FSIP1: variants seen among roughly 807,000 people sequenced by gnomAD.
FSIP1 encodes fibrous sheath interacting protein 1, also known as fibrous sheath-interacting protein 1.
FSIP1 carries 65 observed loss-of-function variants against 60.9 expected under a neutral mutation model. The observed-to-expected ratio is 1.07, with a 90% CI of 0.87 to 1.31. FSIP1 has a LOEUF of 1.31. FSIP1 is among the 40% of genes most tolerant of loss of function. FSIP1 has a pLI of 0.00. For missense variants in FSIP1, 675 were observed against 665.5 expected (o/e 1.01, Z -0.16); for synonymous variants, 209 against 221.2 (o/e 0.94, Z 0.49).
At chr15:39,699,972 GCACT>G (rs1008367965) in intron 10 of FSIP1, among the ~76,000 whole-genome samples, 5 of 152,192 alleles carry the variant, frequency 3.3e-5, no homozygotes, top group African/African-American at 9.7e-5. Context: ...TCAGCTGGGA[GCACT>G]CACTCACTCA....
At chr15:39,635,806 G>A (rs1358283618) in intron 10 of FSIP1, among the ~76,000 whole-genome samples, 1 of 152,032 alleles carries the variant, frequency 6.6e-6, no homozygotes, top group Non-Finnish European at 1.5e-5. Flanking sequence ...GCTTTCTGAT[G>A]GTAAGGTGCT....
At chr15:39,604,556 T>C (rs1392732712) in intron 11 of FSIP1, among the ~76,000 whole-genome samples, 1 of 152,196 alleles carries the variant, frequency 6.6e-6, no homozygotes. Context: ...ATTAACCAAA[T>C]ATAAACTTAC....
At chr15:39,769,660 T>A (rs1897816240) in intron 3 of FSIP1, among the ~76,000 whole-genome samples, 1 of 152,212 alleles carries the variant, frequency 6.6e-6, no homozygotes, top group Non-Finnish European at 1.5e-5. Flanking sequence ...AGATGCATAT[T>A]TAAGGGTCAA....
intron 10 of FSIP1, among the ~76,000 whole-genome samples, chr15:39,678,743 T>C (rs1324719261): frequency 6.6e-6 from 1 of 152,212 alleles, no homozygotes; most frequent in African/African-American, 2.4e-5. Flanking sequence ...ATCAGAATTC[T>C]GGGCTCATCT....
intron 10 of FSIP1, among the ~76,000 whole-genome samples, chr15:39,692,068 AT>A (rs1043678933): frequency 1.4e-4 from 20 of 141,730 alleles, no homozygotes; most frequent in Admixed American, 4.2e-4. Context: ...GAAAAAAAAA[AT>A]TTTTAATGCT....
At chr15:39,761,978 C>T (rs1370025867) in intron 5 of FSIP1, among the ~76,000 whole-genome samples, 2 of 152,176 alleles carry the variant, frequency 1.3e-5, no homozygotes, top group African/African-American at 4.8e-5. Context: ...TGAATGGGGC[C>T]TCAGATGGCT....
intron 10 of FSIP1, among the ~76,000 whole-genome samples, chr15:39,688,856 C>G (rs906482410): frequency 5.3e-5 from 8 of 152,092 alleles, no homozygotes; most frequent in African/African-American, 1.9e-4. Context: ...GAGCCCACCA[C>G]TGGAAAAATT....
chr15:39,682,434 G>A (rs1894203199), intron 10 of FSIP1, among the ~76,000 whole-genome samples: 1 of 152,100 alleles, frequency 6.6e-6, no homozygotes, highest in African/African-American at 2.4e-5. Context: ...CCTATCATGT[G>A]CACTTGACTG....
chr15:39,630,481 G>A (rs1475786748), intron 10 of FSIP1, among the ~76,000 whole-genome samples: 3 of 152,226 alleles, frequency 2.0e-5, no homozygotes, highest in Non-Finnish European at 4.4e-5. Flanking sequence ...CCCTTATTAG[G>A]TGGGTATCCA....
intron 3 of FSIP1, among the ~76,000 whole-genome samples, chr15:39,769,870 C>G (rs1232625742): frequency 6.6e-6 from 1 of 152,168 alleles, no homozygotes; most frequent in Non-Finnish European, 1.5e-5. Flanking sequence ...ATGGTGGACA[C>G]AAAGGCAAAT....
intron 10 of FSIP1, among the ~76,000 whole-genome samples, chr15:39,650,693 G>A (rs1279155746): frequency 6.6e-6 from 1 of 152,196 alleles, no homozygotes; most frequent in Non-Finnish European, 1.5e-5. Context: ...GAACTTCCCA[G>A]TTCTGACGGT....
intron 10 of FSIP1, among the ~76,000 whole-genome samples, chr15:39,678,758 A>G (rs189736631): frequency 3.9e-5 from 6 of 152,318 alleles, no homozygotes; most frequent in Non-Finnish European, 8.8e-5. Context: ...TCATCTGATG[A>G]AAACATTCCA....
At chr15:39,619,954 T>A (rs1304151584) in intron 10 of FSIP1, among the ~76,000 whole-genome samples, 1 of 152,116 alleles carries the variant, frequency 6.6e-6, no homozygotes, top group African/African-American at 2.4e-5. Flanking sequence ...CTTGACCATT[T>A]CCAAAAGTAA....
intron 10 of FSIP1, among the ~76,000 whole-genome samples, chr15:39,631,292 T>C (rs1372738747): frequency 2.0e-5 from 3 of 152,320 alleles, no homozygotes; most frequent in South Asian, 4.1e-4. Context: ...CTCCCCGATG[T>C]CTTGTTCCTT....
chr15:39,731,190 C>T lies in FSIP1; in HGVS notation c.892-4443G>A, dbSNP rs1896390276. Among the ~76,000 whole-genome samples, 4 of 151,940 alleles carry T rather than the reference C, an allele frequency of 2.6e-5. No individual in the cohort carries two copies. The South Asian group carries it at 8.3e-4, about 32-fold the overall frequency. On this transcript the variant is annotated intron_variant, in intron 8 of 11. Transcript: ENST00000350221. ...GTAAGTTGGTATAAAGAAATTGATCCTCAGTGAGGTTCAGTTAGCTAAAGG... is the reference window on the plus strand; with the variant it reads ...GTAAGTTGGTATAAAGAAATTGATCTTCAGTGAGGTTCAGTTAGCTAAAGG...
intron 10 of FSIP1, among the ~76,000 whole-genome samples, chr15:39,669,535 G>T (rs763798160): frequency 1.2e-4 from 18 of 152,140 alleles, no homozygotes; most frequent in Admixed American, 4.6e-4. Flanking sequence ...ATTTGAAGTT[G>T]TTCTATTAAT....
At chr15:39,723,713 T>C (rs1423987522) in intron 9 of FSIP1, among the ~76,000 whole-genome samples, 1 of 152,238 alleles carries the variant, frequency 6.6e-6, no homozygotes, top group Non-Finnish European at 1.5e-5. Context: ...GGTGAGTTAA[T>C]GGTTTGCAGA....
chr15:39,678,294 G>A (rs114864674), intron 10 of FSIP1, among the ~76,000 whole-genome samples: 109 of 151,976 alleles, frequency 7.2e-4, no homozygotes, highest in Middle Eastern at 6.8e-3. Flanking sequence ...CTCCATTTGC[G>A]TATGTGCTCT....
chr15:39,686,204 C>T (rs558486188), intron 10 of FSIP1, among the ~76,000 whole-genome samples: 14 of 152,298 alleles, frequency 9.2e-5, no homozygotes, highest in African/African-American at 2.6e-4. Flanking sequence ...AGAACACAGA[C>T]GTGATTATGT....
Sources: gnomAD v4.1 joint callset for allele counts (sites outside exome capture counted in the v4.1 genomes callset) on GRCh38, gnomAD v4.1.1 for gene constraint, MANE v1.5 for transcripts, NCBI Gene and HGNC (gene_info 2026-07-23, HGNC 2026-07-21) for gene names.